Variants in SLC9A4 observed in about 807,000 individuals in gnomAD.
The protein encoded by SLC9A4 is solute carrier family 9 member A4, also known as sodium/hydrogen exchanger 4.
Under a neutral mutation model 67.4 loss-of-function variants are expected in SLC9A4, and 63 were observed. The observed-to-expected ratio is 0.93, with a 90% CI of 0.76 to 1.15. The LOEUF is 1.15. Among genes scored for constraint, SLC9A4 ranks in the 50% most tolerant of loss-of-function variants. The pLI is 0.00. For synonymous variants in SLC9A4, 393 were observed against 367.2 expected, an observed-to-expected ratio of 1.07 and a Z score of -0.80; for missense variants, 1,089 against 987.7, an observed-to-expected ratio of 1.10 and a Z score of -1.38.
rs73944358 is a variant in SLC9A4, at chr2:102,480,541, G to A, written c.720+1239G>A. The stretch of plus-strand genomic sequence containing the variant: ...TATTTAGCAGTTTCCTGATGAATGC[G>A]TCATTCAGGTTGTTTCCAATGTTTC... On this transcript the variant is annotated intron_variant, in intron 2 of 11. Transcript: ENST00000295269. Among the ~76,000 whole-genome samples, 674 of 152,118 alleles carry A rather than the reference G, an allele frequency of 4.4e-3. 11 individuals carry two copies. Among genetic ancestry groups the A allele is most frequent in the African/African-American group, 0.015 (640 of 41,486 alleles).
Position 102,502,050 on chromosome 2 carries a change from G to A in SLC9A4, c.721-1398G>A, listed in dbSNP as rs114605026. On this transcript the variant is annotated intron_variant, in intron 2 of 11. Coordinates refer to ENST00000295269, the MANE Select transcript of SLC9A4 (RefSeq NM_001011552.4). ...ACGATTTCCTTGAGTTTTAGCTTCCGTCCTCTGCTCTGATTTTTTGCATTT... is the reference window on the plus strand; with the variant it reads ...ACGATTTCCTTGAGTTTTAGCTTCCATCCTCTGCTCTGATTTTTTGCATTT... 3.6e-3 allele frequency among the ~76,000 whole-genome samples: 555 copies of A among 152,212 alleles called. 3 individuals carry two copies. Among genetic ancestry groups the A allele is most frequent in the African/African-American group, 0.013 (521 of 41,528 alleles).
intron 5 of SLC9A4, 90 bp from the exon 6 acceptor site, chr2:102,508,757 G>T (rs2104437111): frequency 1.1e-6 from 1 of 926,124 alleles, no homozygotes; most frequent in Admixed American, 2.7e-5. Flanking sequence ...ATATAGATTG[G>T]ACATTCTAAT....
At position 102,473,796 on chromosome 2, in the gene SLC9A4, A is replaced by G. The variant is rs1684270672; in HGVS notation, c.37A>G (p.Asn13Asp). ...GATGTTCGTGACTTACAGTCCTTGG[A>G]ATTGTTTGCTACTGCTAGTGGCTCT... ...LQMFVTYSPW[N>D]CLLLLVALEC... The change falls in exon 1 of 12, where the codon AAT becomes GAT. Residue 13 changes from asparagine (N) to aspartate (D), a missense_variant. Transcript: ENST00000295269. 6.2e-7 allele frequency: 1 copy of G among 1,614,042 alleles called. No individual in the cohort carries two copies. Among genetic ancestry groups the G allele is most frequent in the East Asian group, 2.2e-5 (1 of 44,886 alleles).
chr2:102,509,559 T>G (rs1478587356), intron 6 of SLC9A4, among the ~76,000 whole-genome samples: 1 of 152,244 alleles, frequency 6.6e-6, no homozygotes, highest in Non-Finnish European at 1.5e-5. Context: ...CTGTTCCACA[T>G]GCAAAATATC....
At chr2:102,511,367 T>C (rs1685159976) in intron 6 of SLC9A4, among the ~76,000 whole-genome samples, 1 of 152,190 alleles carries the variant, frequency 6.6e-6, no homozygotes, top group South Asian at 2.1e-4. Flanking sequence ...TATTTCGACA[T>C]ATTGCATAAT....
intron 11 of SLC9A4, 71 bp from the exon 12 acceptor site, chr2:102,532,259 A>G (rs1674792077): frequency 6.7e-7 from 1 of 1,483,902 alleles, no homozygotes; most frequent in East Asian, 2.3e-5. Context: ...AGTTCCTGCC[A>G]TGTGGATATT....
chr2:102,517,371 C>T lies in SLC9A4; in HGVS notation c.1722-2488C>T, dbSNP rs960654683. On this transcript the variant is annotated intron_variant, in intron 8 of 11. Coordinates refer to ENST00000295269, the MANE Select transcript of SLC9A4 (RefSeq NM_001011552.4). Reference sequence around the variant, plus strand: ...ATATTTGATATCTTGGAACTTCATCCTATGATATGTGTATTCTACTAGATG... The same window carrying T: ...ATATTTGATATCTTGGAACTTCATCTTATGATATGTGTATTCTACTAGATG... Among the ~76,000 whole-genome samples the T allele has an allele frequency of 4.6e-5, 7 of 152,224 alleles. No homozygotes were observed. In the South Asian group the frequency reaches 1.0e-3, roughly 23 times the overall value.
intron 10 of SLC9A4, among the ~76,000 whole-genome samples, chr2:102,526,040 T>TC (rs767108798): frequency 7.7e-4 from 117 of 152,126 alleles, no homozygotes; most frequent in Non-Finnish European, 1.4e-3. Flanking sequence ...GGTGCCCGTC[T>TC]CCACGCCCTG....
intron 2 of SLC9A4, among the ~76,000 whole-genome samples, chr2:102,502,904 C>G: frequency 6.6e-6 from 1 of 152,216 alleles, no homozygotes; most frequent in East Asian, 1.9e-4. Context: ...AGGTTATCAC[C>G]AGGCCAAAGC....
chr2:102,521,087 T>C (rs1216677999), intron 9 of SLC9A4, among the ~76,000 whole-genome samples: 1 of 152,170 alleles, frequency 6.6e-6, no homozygotes, highest in African/African-American at 2.4e-5. Context: ...CTTAGATAAA[T>C]AATAGATAAC....
rs188475338 is a variant in SLC9A4, at chr2:102,517,989, C to T, written c.1722-1870C>T. On this transcript the variant is annotated intron_variant, in intron 8 of 11. Transcript: ENST00000295269. ...GTTTGTGCTGTGAGTATTTCAGGGACGATTTTGCTAATGAAGTGGCATGAA... is the reference window on the plus strand; with the variant it reads ...GTTTGTGCTGTGAGTATTTCAGGGATGATTTTGCTAATGAAGTGGCATGAA... Among the ~76,000 whole-genome samples, 23 of 152,254 alleles carry T rather than the reference C, an allele frequency of 1.5e-4. 1 individual carries two copies. The highest frequency in any genetic ancestry group is 1.2e-3 in the Admixed American group (18 of 15,280).
intron 6 of SLC9A4, among the ~76,000 whole-genome samples, chr2:102,510,322 T>C (rs891334039): frequency 7.3e-5 from 6 of 82,664 alleles, no homozygotes; most frequent in Non-Finnish European, 1.1e-4. Context: ...AAGAGATTTG[T>C]TGTAAGGAAT....
At chr2:102,503,070 C>T (rs181922216) in intron 2 of SLC9A4, among the ~76,000 whole-genome samples, 50 of 152,286 alleles carry the variant, frequency 3.3e-4, no homozygotes, top group East Asian at 3.1e-3. Context: ...AGGCCCTCTA[C>T]GGACAGAGCT....
chr2:102,521,598 A>G (rs1685421132), intron 9 of SLC9A4, among the ~76,000 whole-genome samples: 1 of 152,176 alleles, frequency 6.6e-6, no homozygotes, highest in Admixed American at 6.5e-5. Context: ...ACTCAGCTTT[A>G]CAAAGGTCAT....
chr2:102,517,012 C>T (rs1022122446), intron 8 of SLC9A4, among the ~76,000 whole-genome samples: 1 of 152,186 alleles, frequency 6.6e-6, no homozygotes, highest in Admixed American at 6.5e-5. Context: ...TAAGAATTTT[C>T]TAATGGATTG....
chr2:102,510,411 C>G (rs1378166397), intron 6 of SLC9A4, among the ~76,000 whole-genome samples: 6 of 152,110 alleles, frequency 3.9e-5, no homozygotes, highest in African/African-American at 1.2e-4. Flanking sequence ...AGGCTGGAAC[C>G]CTCAGGCATG....
At chr2:102,482,270 C>T (rs1451858952) in intron 2 of SLC9A4, among the ~76,000 whole-genome samples, 1 of 152,162 alleles carries the variant, frequency 6.6e-6, no homozygotes, top group Non-Finnish European at 1.5e-5. Context: ...CCATTTCATA[C>T]CCTCTGACCC....
At chr2:102,504,185 T>A (rs1029035879) in intron 3 of SLC9A4, among the ~76,000 whole-genome samples, 29 of 152,180 alleles carry the variant, frequency 1.9e-4, no homozygotes, top group African/African-American at 6.8e-4. Context: ...CCTGAGTAGC[T>A]GGGACTACAG....
rs755555675 is a variant in SLC9A4 at position 102,503,714 on chromosome 2, A to G, written c.980+7A>G. The stretch of plus-strand genomic sequence containing the variant: ...ATCTCTCCGGCATCCTGGCGTGAGT[A>G]CAAACCAAGGATCAAGTCACATAGT... On this transcript the variant is annotated splice_region_variant and intron_variant, in intron 3 of 11. Coordinates refer to ENST00000295269, the MANE Select transcript of SLC9A4 (RefSeq NM_001011552.4). The G allele has an allele frequency of 2.2e-5, 35 of 1,613,196 alleles. No homozygotes were observed. Among genetic ancestry groups the G allele is most frequent in the Non-Finnish European group, 2.9e-5 (34 of 1,179,394 alleles).
Sources: allele counts gnomAD v4.1 joint callset (sites outside exome capture counted in the v4.1 genomes callset), GRCh38; gene constraint gnomAD v4.1.1; transcripts MANE v1.5; gene names NCBI Gene and HGNC (gene_info 2026-07-23, HGNC 2026-07-21).